The following OR1J2 variants were observed in gnomAD, a reference collection of about 807,000 sequenced individuals.
The protein encoded by OR1J2 is olfactory receptor 1J2.
For synonymous variants in OR1J2, 142 were observed against 99.7 expected (o/e 1.42, Z -2.52); for missense variants, 304 against 246.1 (o/e 1.24, Z -1.57).
the OR1J2 span, among the ~76,000 whole-genome samples, chr9:122,485,078 C>T: frequency 2.6e-5 from 4 of 152,066 alleles, no homozygotes; most frequent in East Asian, 1.9e-4. Flanking sequence ...ACTTTCTCAA[C>T]TGGATTCAAA....
the OR1J2 span, chr9:122,526,425 A>T: frequency 2.0e-6 from 3 of 1,518,264 alleles, no homozygotes; most frequent in Non-Finnish European, 2.6e-6. Flanking sequence ...CTTGTTCCTT[A>T]GGCTATAGAT....
downstream of OR1J2, among the ~76,000 whole-genome samples, chr9:122,515,134 G>T (rs191686419): frequency 3.3e-5 from 5 of 152,150 alleles, no homozygotes; most frequent in Non-Finnish European, 5.9e-5. Flanking sequence ...GAATAGACTT[G>T]TTACCTCTCC....
At chr9:122,518,297 G>A in the OR1J2 span, among the ~76,000 whole-genome samples, 1 of 152,220 alleles carries the variant, frequency 6.6e-6, no homozygotes, top group East Asian at 1.9e-4. Flanking sequence ...TTTACTGAGT[G>A]TCTTAGTCGG....
the OR1J2 span, among the ~76,000 whole-genome samples, chr9:122,550,813 G>A: frequency 6.6e-6 from 1 of 151,692 alleles, no homozygotes; most frequent in African/African-American, 2.4e-5. Context: ...GGGGAAAGCT[G>A]AACGCATTCC....
chr9:122,475,264 C>G, the OR1J2 span: 1 of 152,220 alleles, frequency 6.6e-6, no homozygotes, highest in Non-Finnish European at 1.5e-5. Context: ...TGTCCACTAC[C>G]AGGTACTGGG....
At chr9:122,455,676 T>C in the OR1J2 span, among the ~76,000 whole-genome samples, 2 of 152,346 alleles carry the variant, frequency 1.3e-5, no homozygotes, top group East Asian at 3.9e-4. Context: ...TCTCACAATA[T>C]TGTCTTTTGA....
chr9:122,487,458 A>AACACACACACACACAC, the OR1J2 span, among the ~76,000 whole-genome samples: 46 of 149,084 alleles, frequency 3.1e-4, no homozygotes, highest in African/African-American at 5.9e-4. Flanking sequence ...GGAGATGATT[A>AACACACACACACACAC]ACACACACAC....
chr9:122,540,527 T>G, the OR1J2 span, among the ~76,000 whole-genome samples: 1 of 152,038 alleles, frequency 6.6e-6, no homozygotes, highest in Non-Finnish European at 1.5e-5. Context: ...AGCCTTGTAG[T>G]ATAGTTTGAA....
the OR1J2 span, among the ~76,000 whole-genome samples, chr9:122,483,112 T>A: frequency 1.3e-5 from 2 of 152,200 alleles, no homozygotes; most frequent in African/African-American, 4.8e-5. Flanking sequence ...ACCCCATAAG[T>A]ATATACAATT....
the OR1J2 span, among the ~76,000 whole-genome samples, chr9:122,479,447 A>G: frequency 6.6e-6 from 1 of 152,232 alleles, no homozygotes; most frequent in Non-Finnish European, 1.5e-5. Flanking sequence ...ATGCTGTATT[A>G]GAAATTCCTG....
At chr9:122,477,843 G>A in the OR1J2 span, 21 of 1,613,922 alleles carry the variant, frequency 1.3e-5, no homozygotes, top group Middle Eastern at 1.7e-4. Flanking sequence ...GGAACAGGGC[G>A]AAGAACACGG....
chr9:122,548,239 C>T, the OR1J2 span, among the ~76,000 whole-genome samples: 3 of 152,136 alleles, frequency 2.0e-5, no homozygotes, highest in Non-Finnish European at 4.4e-5. Flanking sequence ...GAAAATGTGA[C>T]AAGGCAAAGG....
At chr9:122,509,478 T>C (rs1828591316), upstream of OR1J2, among the ~76,000 whole-genome samples, 1 of 152,244 alleles carries the variant, frequency 6.6e-6, no homozygotes, top group South Asian at 2.1e-4. Context: ...TAAACTGCTT[T>C]GTGTTGACAG....
At chr9:122,458,566 G>A in the OR1J2 span, among the ~76,000 whole-genome samples, 2 of 152,360 alleles carry the variant, frequency 1.3e-5, no homozygotes, top group African/African-American at 4.8e-5. Context: ...CAGCAGGCAA[G>A]AGAGCATGTG....
chr9:122,532,195 G>T, the OR1J2 span, among the ~76,000 whole-genome samples: 1 of 151,406 alleles, frequency 6.6e-6, no homozygotes, highest in African/African-American at 2.4e-5. Flanking sequence ...TGATGTGTAG[G>T]GAAGGGAAGG....
At chr9:122,477,112 A>G in the OR1J2 span, 14 of 1,613,798 alleles carry the variant, frequency 8.7e-6, no homozygotes, top group Non-Finnish European at 1.2e-5. Flanking sequence ...TGAAGCAATT[A>G]TGTTCTTGTC....
At chr9:122,533,148 A>G in the OR1J2 span, among the ~76,000 whole-genome samples, 348 of 152,272 alleles carry the variant, frequency 2.3e-3, 2 homozygotes, top group African/African-American at 7.9e-3. Context: ...AATGGGTTGT[A>G]GAGGGAGGTA....
the OR1J2 span, chr9:122,519,020 A>C: frequency 1.5e-6 from 1 of 685,388 alleles, no homozygotes; most frequent in East Asian, 2.6e-5. Flanking sequence ...CAATGTAGAC[A>C]GACATTGGCA....
chr9:122,515,402 T>G (rs756830319), downstream of OR1J2, among the ~76,000 whole-genome samples: 3 of 99,914 alleles, frequency 3.0e-5, no homozygotes, highest in African/African-American at 4.8e-5. Context: ...ATACGGGTGC[T>G]CAGCATTTCT....
Sources: allele counts gnomAD v4.1 joint callset (sites outside exome capture counted in the v4.1 genomes callset), GRCh38; gene constraint gnomAD v4.1.1; transcripts MANE v1.5; gene names NCBI Gene and HGNC (gene_info 2026-07-23, HGNC 2026-07-21).